MFAP2: variants seen among roughly 807,000 people sequenced by gnomAD.
The protein encoded by MFAP2 is microfibril associated protein 2.
Under a neutral mutation model 30.6 loss-of-function variants are expected in MFAP2, and 23 were observed. The observed-to-expected ratio is 0.75, with a 90% CI of 0.54 to 1.07. MFAP2 has a LOEUF of 1.07. Ranked by LOEUF, MFAP2 falls within the 50% of genes least tolerant of loss-of-function variation. The pLI, the probability that MFAP2 is intolerant of heterozygous loss-of-function variation, is 0.00. For synonymous variants in MFAP2, 73 were observed against 85.7 expected (o/e 0.85, Z 0.82); for missense variants, 198 against 223.8 (o/e 0.88, Z 0.74).
At position 16,975,347 on chromosome 1, in the gene MFAP2, G is replaced by A. The variant is rs538515877; in HGVS notation, c.375-5C>T. 17 of 1,613,518 alleles carry A rather than the reference G, an allele frequency of 1.1e-5. No homozygotes were observed. The highest frequency in any genetic ancestry group is 6.7e-5 in the Admixed American group (4 of 59,984). Reference sequence around the variant, plus strand: ...ATGACGTACACACGGCGGAGGCTGCGGGGACAGGGCACGGGAGGTCTCAGC... The same window carrying A: ...ATGACGTACACACGGCGGAGGCTGCAGGGACAGGGCACGGGAGGTCTCAGC... On this transcript the variant is annotated splice_polypyrimidine_tract_variant and splice_region_variant and intron_variant, in intron 7 of 8. Transcript: ENST00000375535. The surrounding 1 kb of genome is among the most constrained non-coding windows in gnomAD (Gnocchi z 5.0).
At position 16,977,157 on chromosome 1, in the gene MFAP2, G is replaced by A. The variant is rs199598010; in HGVS notation, c.79C>T (p.Pro27Ser). The A allele has an allele frequency of 5.5e-4, 890 of 1,613,438 alleles. 6 individuals are homozygous for A. The highest frequency in any genetic ancestry group is 6.3e-5 in the Non-Finnish European group (74 of 1,179,936). ...AQGQYDLDPL[P>S]PFPDHVQYTH... Reference sequence around the variant, plus strand: ...TACTGGACGTGGTCAGGGAACGGCGGCAGCGGGTCCAGGTCATACTGGCCC... The same window carrying A: ...TACTGGACGTGGTCAGGGAACGGCGACAGCGGGTCCAGGTCATACTGGCCC... Residue 27 changes from proline (P) to serine (S), a missense_variant, in exon 3 of 9, where the codon CCG becomes TCG. Pro to Ser is a moderately conservative substitution (Grantham distance 74). Transcript: ENST00000375535.
chr1:16,979,584 G>A (rs759689356), intron 1 of MFAP2, among the ~76,000 whole-genome samples: 7 of 152,200 alleles, frequency 4.6e-5, no homozygotes, highest in Non-Finnish European at 8.8e-5. Context: ...GGGATAGCTG[G>A]CTCCCCACAC....
chr1:16,978,569 G>A (rs2076612147), intron 1 of MFAP2, among the ~76,000 whole-genome samples: 1 of 152,166 alleles, frequency 6.6e-6, no homozygotes, highest in Non-Finnish European at 1.5e-5. Flanking sequence ...ACTTGATGTG[G>A]TCAGGGAAGG....
In MFAP2 at chr1:16,974,951, G is replaced by C. The variant is rs201874534; in HGVS notation, c.521C>G (p.Ala174Gly). Residue 174 changes from alanine (A) to glycine (G), a missense_variant, in exon 9 of 9, where the codon GCC (alanine) becomes GGC (glycine). Coordinates refer to ENST00000375535, the MANE Select transcript of MFAP2 (RefSeq NM_002403.4). ...ASSGLCQSVA[A>G]SCARSCGSC ...GCTCCCACAGCTCCTGGCACAGGAGGCCGCCACGGATTGGCACAGGCCGCT... is the reference window on the plus strand; with the variant it reads ...GCTCCCACAGCTCCTGGCACAGGAGCCCGCCACGGATTGGCACAGGCCGCT... 5.2e-3 allele frequency: 5,051 copies of C among 979,250 alleles called. 14 individuals carry two copies. The highest frequency in any genetic ancestry group is 6.9e-3 in the Non-Finnish European group (4,430 of 639,298). The allele number at this position is 979,250 out of a possible 1,614,324, so 60.7% of individuals were successfully genotyped here.
chr1:16,980,343 C>T (rs1477415085), intron 1 of MFAP2, among the ~76,000 whole-genome samples: 1 of 150,806 alleles, frequency 6.6e-6, no homozygotes, highest in Non-Finnish European at 1.5e-5. Flanking sequence ...CCGACGACCT[C>T]ACCTCTGGCT....
In MFAP2 at chr1:16,977,000, T is replaced by A; in HGVS notation, c.128-77A>T. The stretch of plus-strand genomic sequence containing the variant: ...CCCCTGGGGCAAACAAGTTCCCTCC[T>A]GAGCCAGGGACCAACCCCCAGAGTT... On this transcript the variant is annotated intron_variant, in intron 3 of 8. Coordinates refer to ENST00000375535, the MANE Select transcript of MFAP2 (RefSeq NM_002403.4). This position sits in a 1 kb window ranked among gnomAD's most constrained non-coding sequence, Gnocchi z 5.5. 1 of 1,613,278 alleles carries A rather than the reference T, an allele frequency of 6.2e-7. No homozygotes were observed. Among genetic ancestry groups the A allele is most frequent in the Non-Finnish European group, 8.5e-7 (1 of 1,179,352 alleles).
At position 16,975,629 on chromosome 1, in the gene MFAP2, C is replaced by T. The variant is rs2076583939; in HGVS notation, c.374+14G>A. The T allele has an allele frequency of 6.2e-7, 1 of 1,612,872 alleles. No homozygotes were observed. The highest frequency in any genetic ancestry group is 8.5e-7 in the Non-Finnish European group (1 of 1,179,140). ...GCTCCGGAATCCTCCCGACAGCTGC[C>T]CATCTGTGCTCACCTGTAGAAGCAG... On this transcript the variant is annotated intron_variant, in intron 7 of 8. Transcript: ENST00000375535. This position sits in a 1 kb window ranked among gnomAD's most constrained non-coding sequence, Gnocchi z 5.0.
rs1342780767 is a variant in MFAP2, at chr1:16,976,727, G to A, written c.222C>T (p.Val74=). 47 of 1,613,748 alleles carry A rather than the reference G, an allele frequency of 2.9e-5. No individual in the cohort carries two copies. The highest frequency in any genetic ancestry group is 3.7e-5 in the Non-Finnish European group (44 of 1,179,864). Residue 74 remains valine, a synonymous_variant, in exon 5 of 9, where the codon GTC becomes GTT. Coordinates refer to ENST00000375535, the MANE Select transcript of MFAP2 (RefSeq NM_002403.4). This position sits in a 1 kb window ranked among gnomAD's most constrained non-coding sequence, Gnocchi z 5.5. ...FQSQQQVQQE[V]IPAPTPEPGN... is the part of the protein sequence containing the mutation. Reference sequence around the variant, plus strand: ...GCCTACCTGGGGTTGGGGCTGGGATGACTTCCTGTTGGACTTGCTGCTGGG... The same window carrying A: ...GCCTACCTGGGGTTGGGGCTGGGATAACTTCCTGTTGGACTTGCTGCTGGG...
At position 16,976,325 on chromosome 1, in the gene MFAP2, C is replaced by G; in HGVS notation, c.286+176G>C. The G allele has an allele frequency of 2.6e-6, 2 of 773,684 alleles. No individual in the cohort carries two copies. Among genetic ancestry groups the G allele is most frequent in the Non-Finnish European group, 4.3e-6 (2 of 462,320 alleles). 47.9% of individuals were successfully genotyped at this position (773,684 alleles called of 1,614,324 possible). A position where few individuals can be genotyped will look rare whatever the true frequency, so the allele number is the denominator to read the frequency against. On this transcript the variant is annotated intron_variant, in intron 6 of 8. Coordinates refer to ENST00000375535, the MANE Select transcript of MFAP2 (RefSeq NM_002403.4). The surrounding 1 kb of genome is among the most constrained non-coding windows in gnomAD (Gnocchi z 5.5). Reference sequence around the variant, plus strand: ...CAGGCACACTGGGGACAGGTGGGACCTCCTGGAGCTGCCTGGGGGGCCTGG... The same window carrying G: ...CAGGCACACTGGGGACAGGTGGGACGTCCTGGAGCTGCCTGGGGGGCCTGG...
chr1:16,977,515 C>A (rs1029148047), intron 2 of MFAP2: 4 of 300,204 alleles, frequency 1.3e-5, no homozygotes, highest in African/African-American at 8.6e-5. Context: ...CTGCTCAGCT[C>A]CTTCAGGTCT....
intron 1 of MFAP2, among the ~76,000 whole-genome samples, chr1:16,978,701 C>T (rs2076612962): frequency 6.6e-6 from 1 of 152,218 alleles, no homozygotes; most frequent in African/African-American, 2.4e-5. Flanking sequence ...GTCCAAGGCA[C>T]TGACTGCGTG....
chr1:16,974,776 G>A lies in MFAP2; in HGVS notation c.*144C>T, dbSNP rs944018745. On this transcript the variant is annotated 3_prime_UTR_variant, in exon 9 of 9. Coordinates refer to ENST00000375535, the MANE Select transcript of MFAP2 (RefSeq NM_002403.4). Reference sequence around the variant, plus strand: ...GGCTGAAGGAGGGGCCTGAGGCACCGCAGCCTGCAACCCCCAGGGCTGCAG... The same window carrying A: ...GGCTGAAGGAGGGGCCTGAGGCACCACAGCCTGCAACCCCCAGGGCTGCAG... 26 of 403,188 alleles carry A rather than the reference G, an allele frequency of 6.4e-5. No individual in the cohort carries two copies. In the African/African-American group the frequency reaches 1.1e-3, roughly 17 times the overall value. The allele number at this position is 403,188 out of a possible 1,614,324, so 25.0% of individuals were successfully genotyped here.
chr1:16,974,773 A>G lies in MFAP2; in HGVS notation c.*147T>C. 1 of 400,772 alleles carries G rather than the reference A, an allele frequency of 2.5e-6. No individual in the cohort carries two copies. Among genetic ancestry groups the G allele is most frequent in the Admixed American group, 5.3e-5 (1 of 18,774 alleles). 24.8% of individuals were successfully genotyped at this position (400,772 alleles called of 1,614,324 possible). A position where few individuals can be genotyped will look rare whatever the true frequency, so the allele number is the denominator to read the frequency against. On this transcript the variant is annotated 3_prime_UTR_variant, in exon 9 of 9. Transcript: ENST00000375535. ...ACAGGCTGAAGGAGGGGCCTGAGGC[A>G]CCGCAGCCTGCAACCCCCAGGGCTG...
chr1:16,975,418 C>T lies in MFAP2; in HGVS notation c.375-76G>A. 1 of 971,118 alleles carries T rather than the reference C, an allele frequency of 1.0e-6. No homozygotes were observed. The highest frequency in any genetic ancestry group is 1.3e-6 in the Non-Finnish European group (1 of 762,886). The allele number at this position is 971,118 out of a possible 1,614,324, so 60.2% of individuals were successfully genotyped here. On this transcript the variant is annotated intron_variant, in intron 7 of 8. Coordinates refer to ENST00000375535, the MANE Select transcript of MFAP2 (RefSeq NM_002403.4). The surrounding 1 kb of genome is among the most constrained non-coding windows in gnomAD (Gnocchi z 5.0). Reference sequence around the variant, plus strand: ...CTGGGATAGCCCAGACAGAACCTGGCACGGGAGCCCGGACAGAACCTGGCA... The same window carrying T: ...CTGGGATAGCCCAGACAGAACCTGGTACGGGAGCCCGGACAGAACCTGGCA...
Position 16,976,983 on chromosome 1 carries a change from G to A in MFAP2, c.128-60C>T, listed in dbSNP as rs1488930449. 1 of 1,613,636 alleles carries A rather than the reference G, an allele frequency of 6.2e-7. No individual in the cohort carries two copies. Among genetic ancestry groups the A allele is most frequent in the African/African-American group, 1.3e-5 (1 of 74,904 alleles). Reference sequence around the variant, plus strand: ...TAAGGCTAATCCCCCAGCCCCTGGGGCAAACAAGTTCCCTCCTGAGCCAGG... The same window carrying A: ...TAAGGCTAATCCCCCAGCCCCTGGGACAAACAAGTTCCCTCCTGAGCCAGG... On this transcript the variant is annotated intron_variant, in intron 3 of 8. Transcript: ENST00000375535. This position sits in a 1 kb window ranked among gnomAD's most constrained non-coding sequence, Gnocchi z 5.5.
Position 16,976,472 on chromosome 1 carries a change from A to T in MFAP2, c.286+29T>A. 1 of 1,613,902 alleles carries T rather than the reference A, an allele frequency of 6.2e-7. No individual in the cohort carries two copies. Among genetic ancestry groups the T allele is most frequent in the Non-Finnish European group, 8.5e-7 (1 of 1,179,912 alleles). On this transcript the variant is annotated intron_variant, in intron 6 of 8. Coordinates refer to ENST00000375535, the MANE Select transcript of MFAP2 (RefSeq NM_002403.4). The surrounding 1 kb of genome is among the most constrained non-coding windows in gnomAD (Gnocchi z 5.5). ...CACCCCAACTTCAGGGCGTGCCTCC[A>T]TTTTTCCAGCTGTCAAGAAAGCCCT...
Position 16,975,247 on chromosome 1 carries a change from C to T in MFAP2, c.448+22G>A, listed in dbSNP as rs376179763. On this transcript the variant is annotated intron_variant, in intron 8 of 8. Transcript: ENST00000375535. The surrounding 1 kb of genome is among the most constrained non-coding windows in gnomAD (Gnocchi z 5.0). The stretch of plus-strand genomic sequence containing the variant: ...ATGCGGGTGTGGGGACAGGGGAGGT[C>T]TTGGGGAGGTGGCCTTCCTACCTCG... 3.7e-6 allele frequency: 6 copies of T among 1,608,552 alleles called. No individual in the cohort carries two copies. The African/African-American group carries it at 8.0e-5, about 21-fold the overall frequency.
Position 16,975,574 on chromosome 1 carries a change from AG to A in MFAP2, c.374+68del. The A allele has an allele frequency of 6.6e-7, 1 of 1,504,320 alleles. No homozygotes were observed. 93.2% of individuals were successfully genotyped at this position (1,504,320 alleles called of 1,614,324 possible). A position where few individuals can be genotyped will look rare whatever the true frequency, so the allele number is the denominator to read the frequency against. ...TCCAACTCCCACCTTGGCGGGCCAG[AG>A]CTGTCCCCTGTGCCCTCTAGCCCCC... is the stretch of plus-strand genomic sequence containing the variant. On this transcript the variant is annotated intron_variant, in intron 7 of 8. Coordinates refer to ENST00000375535, the MANE Select transcript of MFAP2 (RefSeq NM_002403.4). The surrounding 1 kb of genome is among the most constrained non-coding windows in gnomAD (Gnocchi z 5.0).
Position 16,975,101 on chromosome 1 carries a change from A to G in MFAP2, c.449-78T>C, listed in dbSNP as rs988821056. 7 of 1,380,798 alleles carry G rather than the reference A, an allele frequency of 5.1e-6. No individual in the cohort carries two copies. The Middle Eastern group carries it at 5.3e-4, about 105-fold the overall frequency. The allele number at this position is 1,380,798 out of a possible 1,614,324, so 85.5% of individuals were successfully genotyped here. A position where few individuals can be genotyped will look rare whatever the true frequency, so the allele number is the denominator to read the frequency against. On this transcript the variant is annotated intron_variant, in intron 8 of 8. Coordinates refer to ENST00000375535, the MANE Select transcript of MFAP2 (RefSeq NM_002403.4). This position sits in a 1 kb window ranked among gnomAD's most constrained non-coding sequence, Gnocchi z 5.0. ...CGCTGCCCCTCCCCCAACTCTGGTG[A>G]TGGGAGTGTTTTGAGGATGAAAAGT...
Sources: allele counts gnomAD v4.1 joint callset (sites outside exome capture counted in the v4.1 genomes callset), GRCh38; gene constraint gnomAD v4.1.1; non-coding constraint Gnocchi (gnomAD v3.1); transcripts MANE v1.5; gene names NCBI Gene and HGNC (gene_info 2026-07-23, HGNC 2026-07-21).